FAM151B: variants seen among roughly 807,000 people sequenced by gnomAD.
FAM151B encodes the protein family with sequence similarity 151 member B.
In FAM151B, 24 loss-of-function variants were observed where a neutral mutation model predicts 31.2. The observed-to-expected ratio is 0.77, with a 90% CI of 0.56 to 1.08. The LOEUF is 1.08. FAM151B is among the 50% of genes least tolerant of loss of function. FAM151B has a pLI of 0.00. For synonymous variants in FAM151B, 105 were observed against 111.4 expected (o/e 0.94, Z 0.36); for missense variants, 293 against 328.6 (o/e 0.89, Z 0.84).
At chr5:80,503,569 C>CA (rs533489574) in intron 2 of FAM151B, among the ~76,000 whole-genome samples, 11 of 145,314 alleles carry the variant, frequency 7.6e-5, no homozygotes, top group Admixed American at 2.7e-4. Flanking sequence ...GACCTTGTCT[C>CA]AAAAAAAAAG....
chr5:80,526,822 A>G (rs995478289), intron 5 of FAM151B, among the ~76,000 whole-genome samples: 10 of 151,996 alleles, frequency 6.6e-5, no homozygotes, highest in African/African-American at 1.9e-4. Context: ...GCCTGAGGAC[A>G]TTTTTGGTTG....
At chr5:80,518,752 TTCTTC>T (rs1744573601) in intron 3 of FAM151B, 1 of 152,230 alleles carries the variant, frequency 6.6e-6, no homozygotes, top group Non-Finnish European at 1.5e-5. Context: ...TTATTTAAAT[TTCTTC>T]TCTTAGAGTA....
chr5:80,506,202 A>G (rs1743957036), intron 2 of FAM151B: 1 of 770,940 alleles, frequency 1.3e-6, no homozygotes, highest in Non-Finnish European at 1.6e-6. Flanking sequence ...CATGGTGGGC[A>G]AGTGATCAAA....
At chr5:80,535,046 A>T (rs1317115255) in intron 5 of FAM151B, among the ~76,000 whole-genome samples, 1 of 152,196 alleles carries the variant, frequency 6.6e-6, no homozygotes, top group Non-Finnish European at 1.5e-5. Flanking sequence ...TTAACCAAAG[A>T]AGTGAAAGAT....
intron 5 of FAM151B, among the ~76,000 whole-genome samples, chr5:80,537,104 T>C (rs1457832181): frequency 1.3e-5 from 2 of 152,236 alleles, no homozygotes; most frequent in Non-Finnish European, 2.9e-5. Context: ...TTTCAAGTGA[T>C]CATTACATAG....
At chr5:80,491,241 G>A (rs1381995426) in intron 1 of FAM151B, among the ~76,000 whole-genome samples, 2 of 151,042 alleles carry the variant, frequency 1.3e-5, no homozygotes, top group Admixed American at 1.3e-4. Flanking sequence ...ATTGAGACAG[G>A]GTCTCGCTCT....
chr5:80,520,493 A>C (rs1561372609), intron 4 of FAM151B, among the ~76,000 whole-genome samples: 1 of 151,682 alleles, frequency 6.6e-6, no homozygotes, highest in African/African-American at 2.4e-5. Flanking sequence ...AAAAATACAA[A>C]AGTTAGCCAG....
At chr5:80,518,899 T>C (rs1056690496) in intron 3 of FAM151B, 28 of 152,090 alleles carry the variant, frequency 1.8e-4, no homozygotes, top group African/African-American at 6.8e-4. Context: ...TCTCCAAAAT[T>C]CATAGCCTCC....
chr5:80,521,957 T>G lies in FAM151B; in HGVS notation c.536-46T>G, dbSNP rs201044459. 6.3e-5 allele frequency: 89 copies of G among 1,423,286 alleles called. No homozygotes were observed. The African/African-American group carries it at 1.2e-3, about 19-fold the overall frequency. 88.2% of individuals were successfully genotyped at this position (1,423,286 alleles called of 1,614,324 possible). A position where few individuals can be genotyped will look rare whatever the true frequency, so the allele number is the denominator to read the frequency against. On this transcript the variant is annotated intron_variant, in intron 4 of 5. Transcript: ENST00000282226. ...ATTTAGTCTTTTATTTAATTGTCTT[T>G]CAAGATTTCAATCAATAAAGTTAAA... is the stretch of plus-strand genomic sequence containing the variant.
At chr5:80,533,111 C>G (rs1745324494) in intron 5 of FAM151B, among the ~76,000 whole-genome samples, 2 of 152,170 alleles carry the variant, frequency 1.3e-5, no homozygotes, top group African/African-American at 4.8e-5. Context: ...AGCACTGTGG[C>G]TCACACCTGT....
chr5:80,494,521 T>G (rs972104230), intron 1 of FAM151B, among the ~76,000 whole-genome samples: 1 of 148,524 alleles, frequency 6.7e-6, no homozygotes, highest in African/African-American at 2.5e-5. Flanking sequence ...TCTTTCTTTC[T>G]TTCTTTTTTA....
chr5:80,541,091 A>C lies in FAM151B; in HGVS notation c.672-582A>C, dbSNP rs189419513. ...ACATTCTGAGCATATTCTTACATCT[A>C]TAATGAATTTACATAGGTTATTGGT... On this transcript the variant is annotated intron_variant, in intron 5 of 5. Coordinates refer to ENST00000282226, the MANE Select transcript of FAM151B (RefSeq NM_205548.3). Among the ~76,000 whole-genome samples, 11 of 152,362 alleles carry C rather than the reference A, an allele frequency of 7.2e-5. 1 individual carries two copies. Among genetic ancestry groups the C allele is most frequent in the African/African-American group, 2.2e-4 (9 of 41,584 alleles).
chr5:80,540,729 CTG>C (rs1745841028), intron 5 of FAM151B, among the ~76,000 whole-genome samples: 1 of 152,148 alleles, frequency 6.6e-6, no homozygotes, highest in South Asian at 2.1e-4. Context: ...TTTTCTTTTT[CTG>C]TGTCCCTTAG....
chr5:80,537,801 A>G (rs1745586868), intron 5 of FAM151B, among the ~76,000 whole-genome samples: 1 of 152,178 alleles, frequency 6.6e-6, no homozygotes, highest in African/African-American at 2.4e-5. Flanking sequence ...ATACATTAAT[A>G]AAACATTATT....
At chr5:80,533,511 G>T (rs530964523) in intron 5 of FAM151B, among the ~76,000 whole-genome samples, 37 of 152,094 alleles carry the variant, frequency 2.4e-4, no homozygotes, top group Non-Finnish European at 4.9e-4. Context: ...CCAGCACTTT[G>T]GGAGGCCAAG....
At chr5:80,520,779 C>T (rs1206911793) in intron 4 of FAM151B, among the ~76,000 whole-genome samples, 1 of 140,992 alleles carries the variant, frequency 7.1e-6, no homozygotes, top group African/African-American at 2.6e-5. Flanking sequence ...TTTTTTCAAG[C>T]TATTTAGAAA....
At chr5:80,519,667 T>C (rs1744611069) in intron 3 of FAM151B, 26 bp from the exon 4 acceptor site, 1 of 1,598,624 alleles carries the variant, frequency 6.3e-7, no homozygotes, top group Non-Finnish European at 8.6e-7. Flanking sequence ...AGAATCTATC[T>C]CATTGACAAC....
At chr5:80,500,308 G>A in intron 1 of FAM151B, 1 of 765,826 alleles carries the variant, frequency 1.3e-6, no homozygotes, top group Non-Finnish European at 2.3e-6. Flanking sequence ...AGATGAGCAA[G>A]TTGCCTCTTT....
At chr5:80,501,604 GAT>G (rs1237277655) in intron 1 of FAM151B, among the ~76,000 whole-genome samples, 186 bp from the exon 2 acceptor site, 6 of 151,704 alleles carry the variant, frequency 4.0e-5, no homozygotes, top group Non-Finnish European at 7.4e-5. Context: ...AGAGAAAACA[GAT>G]ATGTGAGATG....
Sources: allele counts gnomAD v4.1 joint callset (sites outside exome capture counted in the v4.1 genomes callset), GRCh38; gene constraint gnomAD v4.1.1; transcripts MANE v1.5; gene names NCBI Gene and HGNC (gene_info 2026-07-23, HGNC 2026-07-21).